The following CES2 variants were observed in gnomAD, a reference collection of about 807,000 sequenced individuals.
CES2 encodes the protein cocaine esterase.
In CES2, 42 loss-of-function variants were observed where a neutral mutation model predicts 52.1. The ratio of observed to expected loss-of-function variants is 0.81; its 90% CI spans 0.63 to 1.04. CES2 has a LOEUF of 1.04. Ranked by LOEUF, CES2 falls within the 50% of genes least tolerant of loss-of-function variation. The pLI is 0.00. For missense variants in CES2, 656 were observed against 724.3 expected, an observed-to-expected ratio of 0.91 and a Z score of 1.08; for synonymous variants, 277 against 289.6, an observed-to-expected ratio of 0.96 and a Z score of 0.44.
chr16:66,941,792 A>G lies in CES2; in HGVS notation c.1081A>G (p.Lys361Glu). 1.2e-6 allele frequency: 2 copies of G among 1,614,162 alleles called. No homozygotes were observed. The highest frequency in any genetic ancestry group is 2.2e-5 in the South Asian group (2 of 91,086). Residue 361 changes from lysine to glutamate, a missense_variant, in exon 8 of 12, where the codon AAG becomes GAG. Coordinates refer to ENST00000317091, the MANE Select transcript of CES2 (RefSeq NM_001365405.1). Reference sequence around the variant, plus strand: ...GGTCATGAGGATCTATGATACCCAGAAGGAAATGGACAGAGAGGCCTCCCA... The same window carrying G: ...GGTCATGAGGATCTATGATACCCAGGAGGAAATGGACAGAGAGGCCTCCCA... ...PKVMRIYDTQ[K>E]EMDREASQAA...
Position 66,943,299 on chromosome 16 carries a change from T to A in CES2, c.1421T>A (p.Ile474Asn). 6.2e-7 allele frequency: 1 copy of A among 1,614,006 alleles called. No individual in the cohort carries two copies. The highest frequency in any genetic ancestry group is 1.1e-5 in the South Asian group (1 of 91,066). ...VFRSFFGGNY[I>N]KFTEEEEQLS... ...ACACATGTCCTCTTCCTCTTGGCAG[T>A]TAAATTCACTGAGGAAGAGGAGCAG... is the stretch of plus-strand genomic sequence containing the variant. The change falls in exon 11 of 12, where the codon ATT (isoleucine) becomes AAT (asparagine). Residue 474 changes from isoleucine (I) to asparagine (N), a missense_variant and splice_region_variant. By Grantham distance (149) the Ile-to-Asn change is moderately radical (BLOSUM62 -3). Transcript: ENST00000317091. This position sits in a 1 kb window ranked among gnomAD's most constrained non-coding sequence, Gnocchi z 4.2.
upstream of CES2, chr16:66,934,479 G>A: frequency 7.2e-7 from 1 of 1,393,710 alleles, no homozygotes. This position sits in a 1 kb window ranked among gnomAD's most constrained non-coding sequence, Gnocchi z 4.1. Context: ...GGGACACGCC[G>A]CGTTGTGGGT....
chr16:66,934,892 A>G (rs1567545155), upstream of CES2: 1 of 159,736 alleles, frequency 6.3e-6, no homozygotes, highest in Non-Finnish European at 1.4e-5. The surrounding 1 kb of genome is among the most constrained non-coding windows in gnomAD (Gnocchi z 4.1). Context: ...ATAAATGACC[A>G]TGGCCGTGGT....
Position 66,940,564 on chromosome 16 carries a change from G to T in CES2, c.685G>T (p.Ala229Ser). 1 of 1,614,248 alleles carries T rather than the reference G, an allele frequency of 6.2e-7. No homozygotes were observed. Among genetic ancestry groups the T allele is most frequent in the Non-Finnish European group, 8.5e-7 (1 of 1,180,036 alleles). Reference sequence around the variant, plus strand: ...CCGTGTCACCATTTTTGGCGAGTCTGCGGGTGGCACGAGTGTGTCTTCGCT... The same window carrying T: ...CCGTGTCACCATTTTTGGCGAGTCTTCGGGTGGCACGAGTGTGTCTTCGCT... ...PDRVTIFGES[A>S]GGTSVSSLVV... is the part of the protein sequence containing the mutation. Residue 229 changes from alanine (A) to serine (S), a missense_variant, in exon 5 of 12, where the codon GCG becomes TCG. Transcript: ENST00000317091.
At position 66,940,336 on chromosome 16, in the gene CES2, G is replaced by A; in HGVS notation, c.538G>A (p.Gly180Ser). 6.2e-7 allele frequency: 1 copy of A among 1,614,182 alleles called. No homozygotes were observed. Among genetic ancestry groups the A allele is most frequent in the Non-Finnish European group, 8.5e-7 (1 of 1,180,032 alleles). ...VVVVIIQYRL[G>S]VLGFFSTGDK... Reference sequence around the variant, plus strand: ...GGTGGTCATCATCCAGTACCGCCTGGGTGTCCTGGGCTTCTTCAGGTGAGA... The same window carrying A: ...GGTGGTCATCATCCAGTACCGCCTGAGTGTCCTGGGCTTCTTCAGGTGAGA... Residue 180 changes from glycine (G) to serine (S), a missense_variant, in exon 4 of 12, where the codon GGT (glycine) becomes AGT (serine). Transcript: ENST00000317091.
intron 1 of CES2, among the ~76,000 whole-genome samples, chr16:66,937,008 T>C (rs1429953972): frequency 7.0e-6 from 1 of 141,948 alleles, no homozygotes; most frequent in African/African-American, 2.6e-5. Flanking sequence ...AAGACTTGTC[T>C]CTACCAAAAA....
intron 2 of CES2, among the ~76,000 whole-genome samples, chr16:66,938,681 A>C (rs112005431): frequency 6.6e-6 from 1 of 152,188 alleles, no homozygotes; most frequent in South Asian, 2.1e-4. Flanking sequence ...CTCCACAGGC[A>C]CTGTGTCCAC....
Position 66,937,289 on chromosome 16 carries a change from C to G in CES2, c.77-748C>G, listed in dbSNP as rs375268945. Among the ~76,000 whole-genome samples, 5 of 152,280 alleles carry G rather than the reference C, an allele frequency of 3.3e-5. No individual in the cohort carries two copies. In the East Asian group the frequency reaches 7.7e-4, roughly 23 times the overall value. ...GCCATCCTCTTTTTACCCAACCAGT[C>G]CTGGCTTCTCCTCAGGGGCCATCAA... is the stretch of plus-strand genomic sequence containing the variant. On this transcript the variant is annotated intron_variant, in intron 1 of 11. Transcript: ENST00000317091.
At chr16:66,940,136 G>A in intron 3 of CES2, 86 bp from the exon 4 acceptor site, 4 of 1,558,560 alleles carry the variant, frequency 2.6e-6, no homozygotes, top group Non-Finnish European at 3.5e-6. Flanking sequence ...GGTAGACAGA[G>A]GCAAAGCACT....
rs769244464 is a variant in CES2, at chr16:66,941,873, A to G, written c.1137+25A>G. On this transcript the variant is annotated intron_variant, in intron 8 of 11. Coordinates refer to ENST00000317091, the MANE Select transcript of CES2 (RefSeq NM_001365405.1). ...GGTAAGGCTCCTGGGGTCCCTCGCC[A>G]ATGGAGACGGGCTCCTCTCCTGTCC... 3 of 1,613,884 alleles carry G rather than the reference A, an allele frequency of 1.9e-6. No individual in the cohort carries two copies. The Admixed American group carries it at 5.0e-5, about 27-fold the overall frequency.
At chr16:66,941,045 T>C in intron 5 of CES2, 79 bp from the exon 6 acceptor site, 1 of 1,585,118 alleles carries the variant, frequency 6.3e-7, no homozygotes, top group South Asian at 1.1e-5. Flanking sequence ...GGGGTACCCC[T>C]GTTCTTGGCC....
At chr16:66,942,347 A>T in intron 9 of CES2, 98 bp downstream of exon 9, 1 of 1,306,436 alleles carries the variant, frequency 7.7e-7, no homozygotes, top group Admixed American at 2.2e-5. Flanking sequence ...ACTCATGTTT[A>T]TTGGGCTCCG....
rs1597012199 is a variant in CES2, at chr16:66,944,252, T to C, written c.*227T>C. Reference sequence around the variant, plus strand: ...GGAAGGATGAGATGGGAGGATGGCTTGAGGCCAGAGGTTTGAGACCGACCA... The same window carrying C: ...GGAAGGATGAGATGGGAGGATGGCTCGAGGCCAGAGGTTTGAGACCGACCA... On this transcript the variant is annotated 3_prime_UTR_variant, in exon 12 of 12. Transcript: ENST00000317091. The C allele has an allele frequency of 2.9e-6, 1 of 349,226 alleles. No individual in the cohort carries two copies. Among genetic ancestry groups the C allele is most frequent in the East Asian group, 4.4e-5 (1 of 22,856 alleles). 21.6% of individuals were successfully genotyped at this position (349,226 alleles called of 1,614,324 possible).
In CES2 at chr16:66,940,659, C is replaced by G. The variant is rs770964350; in HGVS notation, c.780C>G (p.Pro260=). The G allele has an allele frequency of 6.2e-7, 1 of 1,614,074 alleles. No individual in the cohort carries two copies. Among genetic ancestry groups the G allele is most frequent in the African/African-American group, 1.3e-5 (1 of 74,934 alleles). The change falls in exon 5 of 12, where the codon CCC becomes CCG. Residue 260 remains proline, a synonymous_variant. Coordinates refer to ENST00000317091, the MANE Select transcript of CES2 (RefSeq NM_001365405.1). ...TGGAGAGTGGCGTGGCCCTCCTGCC[C>G]GGCCTCATTGCCAGCTCAGCTGATG... ...AIMESGVALL[P]GLIASSADVI...
At chr16:66,934,510 G>A, upstream of CES2, 1 of 1,278,226 alleles carries the variant, frequency 7.8e-7, no homozygotes, top group Non-Finnish European at 1.0e-6. The surrounding 1 kb of genome is among the most constrained non-coding windows in gnomAD (Gnocchi z 4.1). Context: ...AGGTGCGAGA[G>A]AAGCGGTGAC....
Position 66,942,249 on chromosome 16 carries a change from T to C in CES2, c.1282T>C (p.Cys428Arg), listed in dbSNP as rs1290572940. ...IPALQVAHFQ[C>R]SRAPVYFYEF... Reference sequence around the variant, plus strand: ...TGCACTCCAAGTAGCACATTTTCAGTGTGAGTATATTTGGACCAAAGCCTG... The same window carrying C: ...TGCACTCCAAGTAGCACATTTTCAGCGTGAGTATATTTGGACCAAAGCCTG... The change falls in exon 9 of 12, where the codon TGT becomes CGT. Residue 428 changes from cysteine to arginine, a missense_variant and splice_region_variant. Cys to Arg is a radical substitution (Grantham distance 180). Transcript: ENST00000317091. 1 of 1,609,086 alleles carries C rather than the reference T, an allele frequency of 6.2e-7. No homozygotes were observed. The highest frequency in any genetic ancestry group is 1.3e-5 in the African/African-American group (1 of 74,882).
chr16:66,939,294 C>G lies in CES2; in HGVS notation c.359C>G (p.Ser120Cys), dbSNP rs745588213. Reference protein sequence around the residue: ...FNMTFPSDSMSEDCLYLSIYT... With the variant: ...FNMTFPSDSMCEDCLYLSIYT... The stretch of plus-strand genomic sequence containing the variant: ...ATGACCTTCCCTTCCGACTCCATGT[C>G]TGAGGACTGCCTGTACCTCAGCATC... Residue 120 changes from serine (S) to cysteine (C), a missense_variant, in exon 3 of 12, where the codon TCT becomes TGT. By Grantham distance (112) the Ser-to-Cys change is moderately radical (BLOSUM62 -1). Coordinates refer to ENST00000317091, the MANE Select transcript of CES2 (RefSeq NM_001365405.1). 2 of 1,613,940 alleles carry G rather than the reference C, an allele frequency of 1.2e-6. No individual in the cohort carries two copies. The highest frequency in any genetic ancestry group is 1.7e-6 in the Non-Finnish European group (2 of 1,179,904).
rs372531792 is a variant in CES2, at chr16:66,939,324, C to A, written c.389C>A (p.Thr130Lys). 1 of 1,614,172 alleles carries A rather than the reference C, an allele frequency of 6.2e-7. No homozygotes were observed. The highest frequency in any genetic ancestry group is 8.5e-7 in the Non-Finnish European group (1 of 1,180,020). Reference protein sequence around the residue: ...SEDCLYLSIYTPAHSHEGSNL... With the variant: ...SEDCLYLSIYKPAHSHEGSNL... ...GACTGCCTGTACCTCAGCATCTACA[C>A]GCCGGCCCATAGCCATGAAGGCTCT... The change falls in exon 3 of 12, where the codon ACG becomes AAG. Residue 130 changes from threonine (T) to lysine (K), a missense_variant. By Grantham distance (78) the Thr-to-Lys change is moderately conservative. Transcript: ENST00000317091.
intron 5 of CES2, 134 bp downstream of exon 5, chr16:66,940,829 T>A: frequency 8.1e-7 from 1 of 1,228,136 alleles, no homozygotes; most frequent in Non-Finnish European, 1.1e-6. Context: ...GTGGAATTGC[T>A]GGGGGGCTCC....
Sources: gnomAD v4.1 joint callset for allele counts (sites outside exome capture counted in the v4.1 genomes callset) on GRCh38, gnomAD v4.1.1 for gene constraint, Gnocchi (gnomAD v3.1) non-coding constraint, MANE v1.5 for transcripts, NCBI Gene and HGNC (gene_info 2026-07-23, HGNC 2026-07-21) for gene names.